The following SLC25A42 variants were observed in gnomAD, a reference collection of about 807,000 sequenced individuals.
The protein encoded by SLC25A42 is solute carrier family 25 member 42.
A neutral mutation model predicts 34.7 loss-of-function variants in SLC25A42; 19 were observed. The observed-to-expected ratio is 0.55, with a 90% CI of 0.38 to 0.80. The LOEUF (loss-of-function observed/expected upper bound fraction) is 0.80. Ranked by LOEUF, SLC25A42 falls within the 30% of genes least tolerant of loss-of-function variation. The pLI is 0.00. For synonymous variants in SLC25A42, 205 were observed against 191.2 expected, an observed-to-expected ratio of 1.07 and a Z score of -0.59; for missense variants, 364 against 441.3, an observed-to-expected ratio of 0.82 and a Z score of 1.57.
In SLC25A42 at chr19:19,096,505, A is replaced by T. The variant is rs1309284258; in HGVS notation, c.81+300A>T. 2.0e-5 allele frequency among the ~76,000 whole-genome samples: 3 copies of T among 152,006 alleles called. No homozygotes were observed. The East Asian group carries it at 5.8e-4, about 29-fold the overall frequency. On this transcript the variant is annotated intron_variant, in intron 2 of 7. Coordinates refer to ENST00000318596, the MANE Select transcript of SLC25A42 (RefSeq NM_178526.5). ...CACCCTCTATTCCACCAAAAGCCCC[A>T]CTTGTGATGTGAATCCAACCAGCCC...
intron 4 of SLC25A42, 115 bp from the exon 5 acceptor site, chr19:19,105,446 G>A (rs899135895): frequency 3.9e-6 from 5 of 1,274,298 alleles, no homozygotes; most frequent in Non-Finnish European, 5.4e-6. Flanking sequence ...TGCTGTGCAT[G>A]GAGATGGGGT....
chr19:19,088,457 C>T (rs2059720579), intron 1 of SLC25A42, among the ~76,000 whole-genome samples: 1 of 151,906 alleles, frequency 6.6e-6, no homozygotes, highest in South Asian at 2.1e-4. Context: ...CTGCCTGCGT[C>T]GGCCTCCCAA....
intron 1 of SLC25A42, among the ~76,000 whole-genome samples, chr19:19,078,365 CT>C (rs2059665295): frequency 6.6e-6 from 1 of 152,138 alleles, no homozygotes; most frequent in African/African-American, 2.4e-5. Context: ...CCTGGTCAGC[CT>C]GAGCTCACTC....
In SLC25A42 at chr19:19,105,729, T is replaced by A. The variant is rs1247424432; in HGVS notation, c.380+2T>A. The A allele has an allele frequency of 2.6e-6, 4 of 1,549,780 alleles. No homozygotes were observed. Among genetic ancestry groups the A allele is most frequent in the Non-Finnish European group, 3.5e-6 (4 of 1,143,288 alleles). ...CAGCTACTATGGCTTCCGTGGAGAG[T>A]GAGGCCCCGCCCCGCCCTGCCACAG... On this transcript the variant is annotated splice_donor_variant, in intron 5 of 7. Transcript: ENST00000318596. LOFTEE classifies it high-confidence loss of function.
chr19:19,067,600 T>G (rs2059609291), intron 1 of SLC25A42, among the ~76,000 whole-genome samples: 1 of 152,108 alleles, frequency 6.6e-6, no homozygotes, highest in African/African-American at 2.4e-5. Flanking sequence ...AAAAAAATTT[T>G]TTTTGAGTTC....
intron 1 of SLC25A42, among the ~76,000 whole-genome samples, chr19:19,068,022 C>G (rs1055502162): frequency 1.3e-5 from 2 of 152,246 alleles, no homozygotes; most frequent in Admixed American, 6.5e-5. Flanking sequence ...TTTAAAAGTG[C>G]ATTTGCATTT....
chr19:19,107,789 C>A, intron 6 of SLC25A42, 105 bp from the exon 7 acceptor site: 2 of 1,125,858 alleles, frequency 1.8e-6, no homozygotes, highest in Non-Finnish European at 1.3e-6. Flanking sequence ...AACATCCAGA[C>A]ACACCCAGGC....
intron 1 of SLC25A42, among the ~76,000 whole-genome samples, chr19:19,074,654 G>A (rs2145900138): frequency 6.6e-6 from 1 of 152,256 alleles, no homozygotes; most frequent in Non-Finnish European, 1.5e-5. Flanking sequence ...AAGGGAATCA[G>A]GCACATGTGC....
chr19:19,096,241 T>G lies in SLC25A42; in HGVS notation c.81+36T>G, dbSNP rs2145916213. Reference sequence around the variant, plus strand: ...CGGCCTCCTGGGATGGGTGTTCTCCTGGGGCCCCAGCCTCCCCACCCCCCC... The same window carrying G: ...CGGCCTCCTGGGATGGGTGTTCTCCGGGGGCCCCAGCCTCCCCACCCCCCC... On this transcript the variant is annotated intron_variant, in intron 2 of 7. Transcript: ENST00000318596. 2.5e-6 allele frequency: 4 copies of G among 1,586,356 alleles called. No homozygotes were observed. In the Middle Eastern group the frequency reaches 8.1e-4, roughly 320 times the overall value.
In SLC25A42 at chr19:19,106,334, C is replaced by T; in HGVS notation, c.446C>T (p.Thr149Ile). The T allele has an allele frequency of 6.2e-7, 1 of 1,613,816 alleles. No individual in the cohort carries two copies. The highest frequency in any genetic ancestry group is 8.5e-7 in the Non-Finnish European group (1 of 1,179,970). ...GCTGGAACGACAGCCGCTTCACTGACCTACCCCCTGGACCTGGTCAGAGCG... is the reference window on the plus strand; with the variant it reads ...GCTGGAACGACAGCCGCTTCACTGATCTACCCCCTGGACCTGGTCAGAGCG... ...ALAGTTAASL[T>I]YPLDLVRARM... The change falls in exon 6 of 8, where the codon ACC becomes ATC. Residue 149 changes from threonine to isoleucine, a missense_variant. By Grantham distance (89) the Thr-to-Ile change is moderately conservative. Coordinates refer to ENST00000318596, the MANE Select transcript of SLC25A42 (RefSeq NM_178526.5).
chr19:19,073,420 G>C (rs77042168), intron 1 of SLC25A42, among the ~76,000 whole-genome samples: 1 of 152,180 alleles, frequency 6.6e-6, no homozygotes, highest in Non-Finnish European at 1.5e-5. Context: ...ACATTTAGGA[G>C]CTTTGAAGGA....
intron 1 of SLC25A42, among the ~76,000 whole-genome samples, chr19:19,072,175 A>T (rs993911280): frequency 6.6e-6 from 1 of 152,146 alleles, no homozygotes; most frequent in African/African-American, 2.4e-5. Context: ...TCAATCATGG[A>T]TCATGGGGAA....
chr19:19,069,044 T>C (rs1373651533), intron 1 of SLC25A42, among the ~76,000 whole-genome samples: 1 of 146,810 alleles, frequency 6.8e-6, no homozygotes, highest in Non-Finnish European at 1.5e-5. Flanking sequence ...AAAAAAAAAG[T>C]ATATAACATG....
chr19:19,073,520 T>G (rs1362118833), intron 1 of SLC25A42, among the ~76,000 whole-genome samples: 1 of 152,010 alleles, frequency 6.6e-6, no homozygotes, highest in East Asian at 1.9e-4. Context: ...CAAATAGTTG[T>G]TGAAGGCCAA....
At chr19:19,079,467 A>G (rs766849415) in intron 1 of SLC25A42, among the ~76,000 whole-genome samples, 8 of 152,062 alleles carry the variant, frequency 5.3e-5, no homozygotes, top group Non-Finnish European at 1.0e-4. Flanking sequence ...TCCTGTCTCT[A>G]TGGATTTACC....
chr19:19,075,523 C>T (rs1056946177), intron 1 of SLC25A42, among the ~76,000 whole-genome samples: 5 of 152,160 alleles, frequency 3.3e-5, no homozygotes, highest in African/African-American at 1.2e-4. Flanking sequence ...TAGGTACTCG[C>T]GAAAGGTACC....
In SLC25A42 at chr19:19,110,600, C is replaced by G. The variant is rs1230952932; in HGVS notation, c.681C>G (p.Phe227Leu). The change falls in exon 8 of 8, where the codon TTC becomes TTG. Residue 227 changes from phenylalanine to leucine, a missense_variant. Physicochemically the swap from Phe to Leu is conservative, Grantham distance 22. Coordinates refer to ENST00000318596, the MANE Select transcript of SLC25A42 (RefSeq NM_178526.5). Reference protein sequence around the residue: ...EYSGRRQPYPFERMIFGACAG... With the variant: ...EYSGRRQPYPLERMIFGACAG... ...GCGGCCGCCGGCAGCCCTACCCCTT[C>G]GAGCGCATGATCTTCGGCGCCTGCG... 6.7e-7 allele frequency: 1 copy of G among 1,485,382 alleles called. No individual in the cohort carries two copies. The highest frequency in any genetic ancestry group is 1.4e-5 in the African/African-American group (1 of 69,678). The allele number at this position is 1,485,382 out of a possible 1,614,324, so 92.0% of individuals were successfully genotyped here. A position where few individuals can be genotyped will look rare whatever the true frequency, so the allele number is the denominator to read the frequency against.
intron 1 of SLC25A42, among the ~76,000 whole-genome samples, chr19:19,069,530 G>A (rs1246172033): frequency 6.6e-6 from 1 of 152,244 alleles, no homozygotes; most frequent in African/African-American, 2.4e-5. Flanking sequence ...GAGGCTCTGA[G>A]GGAGTCCTTC....
Position 19,074,758 on chromosome 19 carries a change from TGA to T in SLC25A42, c.-35+10645_-35+10646del, listed in dbSNP as rs545823222. ...GTGTGAGTGTATGTGTGAGCGAGTGTGAGTGTGTGTGTATGTGTGAGTGTGTA... is the reference window on the plus strand; with the variant it reads ...GTGTGAGTGTATGTGTGAGCGAGTGTGTGTGTGTGTATGTGTGAGTGTGTA... On this transcript the variant is annotated intron_variant, in intron 1 of 7. Transcript: ENST00000318596. 4.6e-5 allele frequency among the ~76,000 whole-genome samples: 7 copies of T among 152,074 alleles called. No individual in the cohort carries two copies. In the East Asian group the frequency reaches 1.4e-3, roughly 29 times the overall value.
Sources: gnomAD v4.1 joint callset for allele counts (sites outside exome capture counted in the v4.1 genomes callset) on GRCh38, gnomAD v4.1.1 for gene constraint, MANE v1.5 for transcripts, NCBI Gene and HGNC (gene_info 2026-07-23, HGNC 2026-07-21) for gene names.